UGT1A7: variants seen among roughly 807,000 people sequenced by gnomAD.
UGT1A7 encodes UDP-glucuronosyltransferase 1A7.
UGT1A7 carries 33 observed loss-of-function variants against 45.6 expected under a neutral mutation model. The observed-to-expected ratio is 0.72, with a 90% CI of 0.55 to 0.97. UGT1A7 has a LOEUF of 0.97. UGT1A7 is among the 50% of genes least tolerant of loss of function. The pLI is 0.00. For synonymous variants in UGT1A7, 274 were observed against 250.6 expected, an observed-to-expected ratio of 1.09 and a Z score of -0.88; for missense variants, 684 against 666.2, an observed-to-expected ratio of 1.03 and a Z score of -0.29.
At chr2:233,771,667 A>C (rs1238919275) in intron 4 of UGT1A7, 1 of 152,440 alleles carries the variant, frequency 6.6e-6, no homozygotes, top group African/African-American at 2.4e-5. Flanking sequence ...AATTTCTCAC[A>C]AAATATCACT....
chr2:233,729,788 C>A, intron 1 of UGT1A7: 2 of 1,613,954 alleles, frequency 1.2e-6, no homozygotes, highest in Non-Finnish European at 1.7e-6. Context: ...CTGGCCCTGT[C>A]CTACATTTGC....
chr2:233,728,923 A>G (rs3806597), intron 1 of UGT1A7, among the ~76,000 whole-genome samples: 83,819 of 152,074 alleles, frequency 0.55, 25,237 homozygotes, highest in African/African-American at 0.81. Flanking sequence ...CAAGATAGTC[A>G]TGATCGGTCT....
In UGT1A7 at chr2:233,681,994, C is replaced by T; in HGVS notation, c.57C>T (p.Thr19=). Residue 19 remains threonine, a synonymous_variant, in exon 1 of 5, where the codon ACC becomes ACT. Transcript: ENST00000373426. ...CCCTATATGTGTGTCTACTGCTGAC[C>T]TGTGGCTTTGCCAAGGCAGGGAAGC... ...LLPLYVCLLL[T]CGFAKAGKLL... is the part of the protein sequence containing the mutation. 6.2e-7 allele frequency: 1 copy of T among 1,614,172 alleles called. No homozygotes were observed. Among genetic ancestry groups the T allele is most frequent in the South Asian group, 1.1e-5 (1 of 91,078 alleles).
chr2:233,702,653 G>A (rs746758622), intron 1 of UGT1A7, among the ~76,000 whole-genome samples: 35 of 152,040 alleles, frequency 2.3e-4, no homozygotes, highest in Non-Finnish European at 4.7e-4. Flanking sequence ...TTCCTAGCTC[G>A]TTGAGTATTC....
chr2:233,688,441 C>T lies in UGT1A7; in HGVS notation c.855+5649C>T, dbSNP rs10168416. Among the ~76,000 whole-genome samples the T allele has an allele frequency of 2.6e-5, 4 of 152,144 alleles. No individual in the cohort carries two copies. In the East Asian group the frequency reaches 5.8e-4, roughly 22 times the overall value. On this transcript the variant is annotated intron_variant, in intron 1 of 4. Coordinates refer to ENST00000373426, the MANE Select transcript of UGT1A7 (RefSeq NM_019077.3). ...GCCTAACCTCTATACCTGACTGCCTCCCTGTGTTGACAGGAAACTTCTTGG... is the reference window on the plus strand; with the variant it reads ...GCCTAACCTCTATACCTGACTGCCTTCCTGTGTTGACAGGAAACTTCTTGG...
chr2:233,724,981 G>A lies in UGT1A7; in HGVS notation c.856-42053G>A, dbSNP rs528946654. Among the ~76,000 whole-genome samples, 6 of 134,964 alleles carry A rather than the reference G, an allele frequency of 4.4e-5. 1 individual carries two copies. Among genetic ancestry groups the A allele is most frequent in the South Asian group, 2.4e-4 (1 of 4,092 alleles). The allele number at this position is 134,964 out of a possible 152,430, so 88.5% of individuals were successfully genotyped here. On this transcript the variant is annotated intron_variant, in intron 1 of 4. Transcript: ENST00000373426. ...GGAGGCCGAGGTTGGCGGATCACTC[G>A]CGGTTAGGGGCTGGAGACCGGCCCG...
In UGT1A7 at chr2:233,747,664, T is replaced by G. The variant is rs942017762; in HGVS notation, c.856-19370T>G. ...GCTACTTCCTTCGATGTGGTTTTAA[T>G]AGACCCAATTTACCTCTGTGGGGCA... On this transcript the variant is annotated intron_variant, in intron 1 of 4. Coordinates refer to ENST00000373426, the MANE Select transcript of UGT1A7 (RefSeq NM_019077.3). The G allele has an allele frequency of 5.0e-6, 8 of 1,600,932 alleles. No individual in the cohort carries two copies. The African/African-American group carries it at 1.1e-4, about 22-fold the overall frequency.
intron 1 of UGT1A7, chr2:233,760,374 G>A: frequency 1.9e-6 from 3 of 1,614,168 alleles, no homozygotes; most frequent in Non-Finnish European, 2.5e-6. Context: ...ATGCTGGGAA[G>A]ATACTGTTGA....
rs547114887 is a variant in UGT1A7, at chr2:233,686,395, G to A, written c.855+3603G>A. Among the ~76,000 whole-genome samples, 15 of 152,134 alleles carry A rather than the reference G, an allele frequency of 9.9e-5. No individual in the cohort carries two copies. The South Asian group carries it at 1.5e-3, about 15-fold the overall frequency. On this transcript the variant is annotated intron_variant, in intron 1 of 4. Transcript: ENST00000373426. Reference sequence around the variant, plus strand: ...GAATGAAAAGACAACTCGTGTGGGCGCCCTTATTAAGGTGTGCAGATAAAC... The same window carrying A: ...GAATGAAAAGACAACTCGTGTGGGCACCCTTATTAAGGTGTGCAGATAAAC...
At chr2:233,725,941 G>A (rs1261379461) in intron 1 of UGT1A7, among the ~76,000 whole-genome samples, 2 of 152,166 alleles carry the variant, frequency 1.3e-5, no homozygotes, top group East Asian at 3.8e-4. Flanking sequence ...TGATGCAGGA[G>A]GATTGTTTGA....
chr2:233,733,177 G>T (rs2078363766), intron 1 of UGT1A7, among the ~76,000 whole-genome samples: 1 of 152,226 alleles, frequency 6.6e-6, no homozygotes, highest in Non-Finnish European at 1.5e-5. Flanking sequence ...GGACTTTGCT[G>T]AAGTTGCTTA....
intron 1 of UGT1A7, among the ~76,000 whole-genome samples, chr2:233,724,483 C>CA (rs2077265873): frequency 1.5e-5 from 1 of 68,754 alleles, no homozygotes; most frequent in Non-Finnish European, 3.0e-5. Context: ...ACTTCTCAGA[C>CA]GGGGCGGCCG....
intron 1 of UGT1A7, among the ~76,000 whole-genome samples, chr2:233,685,193 C>T (rs1028451320): frequency 3.3e-5 from 5 of 151,888 alleles, no homozygotes; most frequent in African/African-American, 1.2e-4. Flanking sequence ...AACATTAAAA[C>T]GGTTTTGTTT....
At chr2:233,756,874 G>C (rs1221596581) in intron 1 of UGT1A7, among the ~76,000 whole-genome samples, 1 of 152,098 alleles carries the variant, frequency 6.6e-6, no homozygotes, top group Non-Finnish European at 1.5e-5. Context: ...GGTATTAGGT[G>C]TAATGAGGAT....
At chr2:233,713,660 T>G (rs1362794385) in intron 1 of UGT1A7, 3 of 1,613,860 alleles carry the variant, frequency 1.9e-6, no homozygotes, top group Non-Finnish European at 2.5e-6. Context: ...TGTCCTACCT[T>G]TGCCATGCTG....
chr2:233,683,254 T>C (rs1390186173), intron 1 of UGT1A7, among the ~76,000 whole-genome samples: 1 of 152,166 alleles, frequency 6.6e-6, no homozygotes, highest in Non-Finnish European at 1.5e-5. Flanking sequence ...TGTTTTTTTA[T>C]GTTAGATTTT....
At chr2:233,764,507 T>C (rs1318099994) in intron 1 of UGT1A7, among the ~76,000 whole-genome samples, 1 of 152,320 alleles carries the variant, frequency 6.6e-6, no homozygotes, top group Non-Finnish European at 1.5e-5. Flanking sequence ...GGGTTCAATT[T>C]TGTGTGAATC....
At chr2:233,765,043 G>A (rs987996173) in intron 1 of UGT1A7, among the ~76,000 whole-genome samples, 14 of 152,044 alleles carry the variant, frequency 9.2e-5, no homozygotes, top group Admixed American at 4.6e-4. Flanking sequence ...TGCAAATTGC[G>A]TTTGCTGAGC....
At chr2:233,763,911 C>G (rs1698426001) in intron 1 of UGT1A7, among the ~76,000 whole-genome samples, 2 of 152,076 alleles carry the variant, frequency 1.3e-5, no homozygotes, top group Admixed American at 1.3e-4. Context: ...TAGTGAGGAC[C>G]AAGGCTTCGA....
Sources: gnomAD v4.1 joint callset for allele counts (sites outside exome capture counted in the v4.1 genomes callset) on GRCh38, gnomAD v4.1.1 for gene constraint, MANE v1.5 for transcripts, NCBI Gene and HGNC (gene_info 2026-07-23, HGNC 2026-07-21) for gene names.